Variants in CFAP20DC observed in about 807,000 individuals in gnomAD.
The protein encoded by CFAP20DC is CFAP20 domain containing, also known as protein CFAP20DC.
In CFAP20DC, 84 loss-of-function variants were observed where a neutral mutation model predicts 101.7. The ratio of observed to expected loss-of-function variants is 0.83; its 90% CI spans 0.69 to 0.99. The LOEUF is 0.99. Ranked by LOEUF, CFAP20DC falls within the 50% of genes least tolerant of loss-of-function variation. The pLI is 0.00. For synonymous variants in CFAP20DC, 359 were observed against 351.2 expected, an observed-to-expected ratio of 1.02 and a Z score of -0.25; for missense variants, 1,007 against 970.3, an observed-to-expected ratio of 1.04 and a Z score of -0.50.
intron 5 of CFAP20DC, among the ~76,000 whole-genome samples, chr3:58,928,969 G>A (rs898848627): frequency 9.2e-5 from 14 of 152,102 alleles, no homozygotes; most frequent in African/African-American, 3.4e-4. Flanking sequence ...AGAAACATGA[G>A]GAAGACAGAT....
At chr3:58,758,109 A>G (rs2069133000) in intron 15 of CFAP20DC, among the ~76,000 whole-genome samples, 1 of 152,124 alleles carries the variant, frequency 6.6e-6, no homozygotes. Context: ...ATGATGCTCC[A>G]AGTTATACAA....
chr3:58,719,765 G>A lies in CFAP20DC; in HGVS notation c.198-2137C>T, dbSNP rs568837732. Among the ~76,000 whole-genome samples, 20 of 152,346 alleles carry A rather than the reference G, an allele frequency of 1.3e-4. No individual in the cohort carries two copies. In the South Asian group the frequency reaches 3.9e-3, roughly 30 times the overall value. On this transcript the variant is annotated intron_variant, in intron 3 of 3. Transcript: ENST00000486145. Reference sequence around the variant, plus strand: ...GGCTTCCCTGTGTTACTACTTTTGGGTAAGAGGCTGAAAGCACAGAGGTGA... The same window carrying A: ...GGCTTCCCTGTGTTACTACTTTTGGATAAGAGGCTGAAAGCACAGAGGTGA...
At chr3:58,934,676 T>A (rs1054603921) in intron 5 of CFAP20DC, among the ~76,000 whole-genome samples, 2 of 152,174 alleles carry the variant, frequency 1.3e-5, no homozygotes, top group African/African-American at 4.8e-5. Context: ...AAAAACCACA[T>A]GATTATTTCA....
At chr3:58,905,898 C>T (rs1416277329) in intron 6 of CFAP20DC, among the ~76,000 whole-genome samples, 1 of 152,154 alleles carries the variant, frequency 6.6e-6, no homozygotes, top group Non-Finnish European at 1.5e-5. Flanking sequence ...CATGGCATCT[C>T]TTGTATCTTT....
At chr3:58,738,920 A>G (rs1559529751), downstream of CFAP20DC, among the ~76,000 whole-genome samples, 1 of 152,176 alleles carries the variant, frequency 6.6e-6, no homozygotes, top group East Asian at 1.9e-4. The surrounding 1 kb of genome is among the most constrained non-coding windows in gnomAD (Gnocchi z 4.4). Flanking sequence ...TTTAATTAAA[A>G]CCATGGGACA....
At chr3:58,939,993 C>T (rs1418356907) in intron 4 of CFAP20DC, among the ~76,000 whole-genome samples, 1 of 152,104 alleles carries the variant, frequency 6.6e-6, no homozygotes, top group East Asian at 1.9e-4. Context: ...TCTAGAACTA[C>T]TGACCTCAGG....
At chr3:58,984,358 G>T (rs1357556831) in intron 4 of CFAP20DC, among the ~76,000 whole-genome samples, 1 of 152,038 alleles carries the variant, frequency 6.6e-6, no homozygotes, top group Non-Finnish European at 1.5e-5. Flanking sequence ...CTTCTGAATT[G>T]GTTTCTGACA....
At position 58,815,128 on chromosome 3, in the gene CFAP20DC, C is replaced by A. The variant is rs2075007536; in HGVS notation, c.2176-8672G>T. 8.0e-5 allele frequency among the ~76,000 whole-genome samples: 12 copies of A among 150,376 alleles called. No individual in the cohort carries two copies. The South Asian group carries it at 2.5e-3, about 31-fold the overall frequency. ...AACTATACTACAAGGCTACAGTAAC[C>A]AAAACAGCATGGTACTGGTACCAAA... On this transcript the variant is annotated intron_variant, in intron 14 of 16. Coordinates refer to ENST00000482387, the MANE Select transcript of CFAP20DC (RefSeq NM_001394063.1).
chr3:58,801,668 G>A (rs1174561277), intron 15 of CFAP20DC, among the ~76,000 whole-genome samples: 1 of 152,084 alleles, frequency 6.6e-6, no homozygotes, highest in African/African-American at 2.4e-5. Flanking sequence ...GTCTGGAGGA[G>A]CCACACGGGT....
At chr3:58,787,281 T>C (rs937550140) in intron 15 of CFAP20DC, among the ~76,000 whole-genome samples, 38 of 136,218 alleles carry the variant, frequency 2.8e-4, no homozygotes, top group Non-Finnish European at 3.0e-4. Flanking sequence ...TAGGTGGGAA[T>C]TGAACAATGA....
intron 14 of CFAP20DC, among the ~76,000 whole-genome samples, chr3:58,827,888 A>G (rs1249429412): frequency 1.3e-5 from 2 of 152,210 alleles, no homozygotes; most frequent in Non-Finnish European, 2.9e-5. Flanking sequence ...TGAATGTGAG[A>G]CAGACAAGCA....
intron 4 of CFAP20DC, among the ~76,000 whole-genome samples, chr3:59,016,067 C>T (rs565377281): frequency 1.3e-5 from 2 of 151,986 alleles, no homozygotes; most frequent in Admixed American, 6.6e-5. Context: ...TCAGAATCAC[C>T]TGAATGACCT....
chr3:58,951,350 G>A (rs974985174), intron 4 of CFAP20DC, among the ~76,000 whole-genome samples: 4 of 152,184 alleles, frequency 2.6e-5, no homozygotes, highest in Admixed American at 6.5e-5. Context: ...TCAGTATGGC[G>A]ATTCCTCAGG....
intron 6 of CFAP20DC, among the ~76,000 whole-genome samples, chr3:58,889,419 A>G (rs553797268): frequency 1.3e-5 from 2 of 152,294 alleles, no homozygotes; most frequent in East Asian, 3.9e-4. Flanking sequence ...AACTTCAAAG[A>G]CAGTCAGGAG....
rs1005884752 is a variant in CFAP20DC, at chr3:58,863,983, A to G, written c.1259-91T>C. Reference sequence around the variant, plus strand: ...TATTTTTAGTTTTAGTTTTTGAGACAGTCTCACTCTGCCGCCTAGGCTGCA... The same window carrying G: ...TATTTTTAGTTTTAGTTTTTGAGACGGTCTCACTCTGCCGCCTAGGCTGCA... On this transcript the variant is annotated intron_variant, in intron 11 of 16. Transcript: ENST00000482387. This position sits in a 1 kb window ranked among gnomAD's most constrained non-coding sequence, Gnocchi z 5.9. 19 of 1,266,706 alleles carry G rather than the reference A, an allele frequency of 1.5e-5. No homozygotes were observed. The highest frequency in any genetic ancestry group is 7.7e-5 in the East Asian group (3 of 39,098). 78.5% of individuals were successfully genotyped at this position (1,266,706 alleles called of 1,614,324 possible).
chr3:58,853,176 C>T (rs977680387), intron 12 of CFAP20DC, among the ~76,000 whole-genome samples: 1 of 152,112 alleles, frequency 6.6e-6, no homozygotes, highest in Non-Finnish European at 1.5e-5. Flanking sequence ...CACAGAAATA[C>T]AAACTACCAT....
Position 58,861,641 on chromosome 3 carries a change from T to G in CFAP20DC, c.1593+1917A>C. 2.0e-6 allele frequency: 2 copies of G among 985,464 alleles called. No individual in the cohort carries two copies. Among genetic ancestry groups the G allele is most frequent in the Non-Finnish European group, 2.4e-6 (2 of 829,934 alleles). The allele number at this position is 985,464 out of a possible 1,614,324, so 61.0% of individuals were successfully genotyped here. A position where few individuals can be genotyped will look rare whatever the true frequency, so the allele number is the denominator to read the frequency against. On this transcript the variant is annotated intron_variant, in intron 12 of 16. Coordinates refer to ENST00000482387, the MANE Select transcript of CFAP20DC (RefSeq NM_001394063.1). This position sits in a 1 kb window ranked among gnomAD's most constrained non-coding sequence, Gnocchi z 4.0. ...TTGGTCCTATTTTTGTATCTTAGCT[T>G]GTATCTCGTTAGTCTCTGTACCAGC...
intron 13 of CFAP20DC, among the ~76,000 whole-genome samples, chr3:58,833,050 GCTT>G (rs1251064563): frequency 6.6e-6 from 1 of 151,890 alleles, no homozygotes; most frequent in African/African-American, 2.4e-5. Flanking sequence ...GGACTCTCTG[GCTT>G]CTTTTCTGCC....
Position 58,849,287 on chromosome 3 carries a change from G to A in CFAP20DC, c.1716C>T (p.Ser572=), listed in dbSNP as rs1208098638. ...CTGTTGCTCCTGCTTCTGTGTAGGC[G>A]CTCCTTAGATATTCCTTACTTGTCC... ...AKRTSKEYLR[S]AYTEAGATES... The change falls in exon 13 of 17, where the codon AGC becomes AGT. Residue 572 remains serine, a synonymous_variant. Transcript: ENST00000482387. 2.3e-5 allele frequency: 36 copies of A among 1,535,910 alleles called. No homozygotes were observed. The highest frequency in any genetic ancestry group is 2.2e-4 in the Admixed American group (11 of 50,968).
Sources: allele counts gnomAD v4.1 joint callset (sites outside exome capture counted in the v4.1 genomes callset), GRCh38; gene constraint gnomAD v4.1.1; non-coding constraint Gnocchi (gnomAD v3.1); transcripts MANE v1.5; gene names NCBI Gene and HGNC (gene_info 2026-07-23, HGNC 2026-07-21).